TMEM117: variants seen among roughly 807,000 people sequenced by gnomAD.
TMEM117 encodes the protein transmembrane protein 117.
A neutral mutation model predicts 52.4 loss-of-function variants in TMEM117; 27 were observed. The ratio of observed to expected loss-of-function variants is 0.51; its 90% CI spans 0.38 to 0.71. The LOEUF (loss-of-function observed/expected upper bound fraction) is 0.71. Among genes scored for constraint, TMEM117 ranks in the 30% least tolerant of loss-of-function variants. The probability of loss-of-function intolerance (pLI) is 0.00; values close to 1 mark genes in which losing one functional copy is unlikely to be tolerated. For missense variants in TMEM117, 556 were observed against 630.5 expected (o/e 0.88, Z 1.26); for synonymous variants, 215 against 206.3 (o/e 1.04, Z -0.36).
intron 4 of TMEM117, among the ~76,000 whole-genome samples, chr12:44,206,233 A>G (rs1254515896): frequency 1.3e-5 from 2 of 152,244 alleles, no homozygotes; most frequent in Non-Finnish European, 2.9e-5. Context: ...CAGCAGGAAC[A>G]TGTCCTTAAG....
chr12:43,828,810 C>G, the TMEM117 span, among the ~76,000 whole-genome samples: 14 of 152,160 alleles, frequency 9.2e-5, no homozygotes, highest in Admixed American at 4.6e-4. Flanking sequence ...GAATGGACCA[C>G]AACATTCTGG....
intron 2 of TMEM117, among the ~76,000 whole-genome samples, chr12:43,889,308 C>A (rs1477251008): frequency 2.0e-5 from 3 of 152,190 alleles, no homozygotes; most frequent in Non-Finnish European, 2.9e-5. Context: ...GTCTTGAACT[C>A]CTGACCTCAA....
At chr12:44,384,496 G>T (rs139997128) in intron 7 of TMEM117, among the ~76,000 whole-genome samples, 2 of 152,132 alleles carry the variant, frequency 1.3e-5, no homozygotes, top group Non-Finnish European at 2.9e-5. Context: ...AAAATTCATA[G>T]ATATAAAAGG....
At position 44,311,777 on chromosome 12, in the gene TMEM117, G is replaced by GTATATA. The variant is rs1565701245; in HGVS notation, c.768+12039_768+12040insATATAT. 3.5e-3 allele frequency among the ~76,000 whole-genome samples: 373 copies of GTATATA among 107,606 alleles called. 20 individuals are homozygous for GTATATA. The highest frequency in any genetic ancestry group is 0.014 in the African/African-American group (340 of 24,958). 70.6% of individuals were successfully genotyped at this position (107,606 alleles called of 152,430 possible). The stretch of plus-strand genomic sequence containing the variant: ...TATATGTATATATATATGTATATAT[G>GTATATA]TGTATATATGTATATATATGTATAT... On this transcript the variant is annotated intron_variant, in intron 6 of 7. Transcript: ENST00000266534.
chr12:44,335,898 C>T (rs1206402577), intron 6 of TMEM117, among the ~76,000 whole-genome samples: 4 of 151,904 alleles, frequency 2.6e-5, no homozygotes, highest in Non-Finnish European at 5.9e-5. Flanking sequence ...ACATACACTA[C>T]AATCTAAAGG....
chr12:43,821,339 G>A, the TMEM117 span, among the ~76,000 whole-genome samples: 6 of 152,152 alleles, frequency 3.9e-5, no homozygotes, highest in African/African-American at 1.4e-4. Flanking sequence ...GGAGTGCAGT[G>A]GTGTGATCAT....
intron 3 of TMEM117, among the ~76,000 whole-genome samples, chr12:44,042,980 G>T (rs1001301902): frequency 6.6e-6 from 1 of 152,124 alleles, no homozygotes; most frequent in Admixed American, 6.5e-5. Context: ...ACTTCTAATG[G>T]TATGGAGAAC....
chr12:44,279,916 T>G (rs556181751), intron 5 of TMEM117, among the ~76,000 whole-genome samples: 1 of 152,306 alleles, frequency 6.6e-6, no homozygotes, highest in African/African-American at 2.4e-5. Flanking sequence ...TTTGGAGTTT[T>G]GGGCCACTAG....
intron 3 of TMEM117, among the ~76,000 whole-genome samples, chr12:43,987,528 C>A: frequency 1.3e-5 from 2 of 150,562 alleles, no homozygotes; most frequent in Non-Finnish European, 1.5e-5. Context: ...TGTGAATTAA[C>A]CTCTCAATGA....
intron 5 of TMEM117, among the ~76,000 whole-genome samples, chr12:44,243,603 T>C (rs1168511827): frequency 6.6e-6 from 1 of 151,688 alleles, no homozygotes; most frequent in Non-Finnish European, 1.5e-5. Context: ...ACATATCTAT[T>C]ATTTCACACA....
intron 6 of TMEM117, among the ~76,000 whole-genome samples, chr12:44,362,357 C>T (rs1360894703): frequency 2.0e-5 from 3 of 151,996 alleles, no homozygotes; most frequent in Non-Finnish European, 4.4e-5. Flanking sequence ...CAATCCTTAT[C>T]GTGGTTTATT....
intron 3 of TMEM117, among the ~76,000 whole-genome samples, chr12:43,977,406 A>C (rs1196037516): frequency 1.3e-5 from 2 of 152,110 alleles, no homozygotes; most frequent in Non-Finnish European, 2.9e-5. Flanking sequence ...GCTGGAATCC[A>C]CAGAGGACCT....
At chr12:43,907,008 C>T (rs1423740973) in intron 2 of TMEM117, among the ~76,000 whole-genome samples, 1 of 152,226 alleles carries the variant, frequency 6.6e-6, no homozygotes, top group Non-Finnish European at 1.5e-5. Flanking sequence ...CTCAAGGAGG[C>T]CTGCCTGCCT....
Position 44,107,664 on chromosome 12 carries a change from A to G in TMEM117, c.411-35861A>G, listed in dbSNP as rs921948120. Among the ~76,000 whole-genome samples, 14 of 152,270 alleles carry G rather than the reference A, an allele frequency of 9.2e-5. No individual in the cohort carries two copies. The East Asian group carries it at 9.7e-4, about 10-fold the overall frequency. On this transcript the variant is annotated intron_variant, in intron 3 of 7. Coordinates refer to ENST00000266534, the MANE Select transcript of TMEM117 (RefSeq NM_032256.3). ...AATGAAGAATATATAAAATATTTCA[A>G]TGGTATTTAATCAGCCTCCAATTAT...
At chr12:44,103,234 T>G (rs1184242189) in intron 3 of TMEM117, among the ~76,000 whole-genome samples, 1 of 151,898 alleles carries the variant, frequency 6.6e-6, no homozygotes, top group Non-Finnish European at 1.5e-5. Flanking sequence ...TATCTTTTTT[T>G]TTTTTTGAGA....
At chr12:43,852,747 GTAA>G (rs1943332550) in intron 2 of TMEM117, among the ~76,000 whole-genome samples, 1 of 152,236 alleles carries the variant, frequency 6.6e-6, no homozygotes, top group Non-Finnish European at 1.5e-5. Context: ...CATCAAGACT[GTAA>G]TAATGTATTT....
intron 2 of TMEM117, among the ~76,000 whole-genome samples, chr12:43,878,166 C>T (rs1262301172): frequency 6.6e-6 from 1 of 151,242 alleles, no homozygotes; most frequent in Non-Finnish European, 1.5e-5. Context: ...TAACAAACCA[C>T]TCTGACTTTT....
At chr12:44,148,167 A>G (rs1216189610) in intron 4 of TMEM117, among the ~76,000 whole-genome samples, 1 of 152,214 alleles carries the variant, frequency 6.6e-6, no homozygotes, top group Non-Finnish European at 1.5e-5. Flanking sequence ...ATAAAACAGG[A>G]AAAAGTCAGT....
chr12:44,354,483 CTTCAT>C (rs1951615412), intron 6 of TMEM117, among the ~76,000 whole-genome samples: 2 of 152,210 alleles, frequency 1.3e-5, no homozygotes, highest in East Asian at 3.9e-4. Flanking sequence ...ATCAAGTGAG[CTTCAT>C]CCCTGGGATG....
Sources: allele counts gnomAD v4.1 joint callset (sites outside exome capture counted in the v4.1 genomes callset), GRCh38; gene constraint gnomAD v4.1.1; transcripts MANE v1.5; gene names NCBI Gene and HGNC (gene_info 2026-07-23, HGNC 2026-07-21).